Variants in RORA observed in about 807,000 individuals in gnomAD.
RORA encodes RAR related orphan receptor A, also known as nuclear receptor ROR-alpha.
In RORA, 7 loss-of-function variants were observed where a neutral mutation model predicts 69.5. The ratio of observed to expected loss-of-function variants is 0.10; its 90% CI spans 0.06 to 0.19. The LOEUF is 0.19. RORA is among the 10% of genes least tolerant of loss of function. The probability of loss-of-function intolerance (pLI) is 1.00; values close to 1 mark genes in which losing one functional copy is unlikely to be tolerated. For synonymous variants in RORA, 261 were observed against 240.8 expected, an observed-to-expected ratio of 1.08 and a Z score of -0.78; for missense variants, 457 against 663.0, an observed-to-expected ratio of 0.69 and a Z score of 3.41.
chr15:60,797,737 T>C (rs185052901), intron 1 of RORA, among the ~76,000 whole-genome samples: 90 of 151,994 alleles, frequency 5.9e-4, no homozygotes, highest in Non-Finnish European at 1.0e-3. Flanking sequence ...AGCACGCGGT[T>C]GACAAGAAGC....
rs569170091 is a variant in RORA at position 60,976,347 on chromosome 15, G to C, written c.166+252706C>G. On this transcript the variant is annotated intron_variant, in intron 1 of 10. Transcript: ENST00000335670. Reference sequence around the variant, plus strand: ...CATCCCCCATCTGCATAATATGGAAGCTAAGTAGATCGCCCACAAAGAAAA... The same window carrying C: ...CATCCCCCATCTGCATAATATGGAACCTAAGTAGATCGCCCACAAAGAAAA... Among the ~76,000 whole-genome samples, 6 of 152,294 alleles carry C rather than the reference G, an allele frequency of 3.9e-5. No individual in the cohort carries two copies. The South Asian group carries it at 1.0e-3, about 26-fold the overall frequency.
chr15:60,775,293 T>G (rs1249792387), intron 1 of RORA, among the ~76,000 whole-genome samples: 1 of 152,158 alleles, frequency 6.6e-6, no homozygotes, highest in Non-Finnish European at 1.5e-5. Flanking sequence ...TGGGACTGAC[T>G]TCGTTAATAG....
In RORA at chr15:60,887,773, CT is replaced by C. The variant is rs372833995; in HGVS notation, c.167-209088del. On this transcript the variant is annotated intron_variant, in intron 1 of 10. Transcript: ENST00000335670. ...AGGCTGTGGGGCTGTCCTGCAAACACTGAATCATGACCTTGCCGGCACCTTG... is the reference window on the plus strand; with the variant it reads ...AGGCTGTGGGGCTGTCCTGCAAACACGAATCATGACCTTGCCGGCACCTTG... Among the ~76,000 whole-genome samples the C allele has an allele frequency of 2.1e-3, 321 of 152,276 alleles. 2 individuals are homozygous for C. Among genetic ancestry groups the C allele is most frequent in the Admixed American group, 0.014 (212 of 15,298 alleles).
chr15:60,579,147 CCTG>C (rs528035016), intron 2 of RORA, among the ~76,000 whole-genome samples: 2 of 151,038 alleles, frequency 1.3e-5, no homozygotes, highest in African/African-American at 4.9e-5. Context: ...GCATTACCGT[CCTG>C]CTTCCTGCTA....
At chr15:61,055,242 T>C (rs2078078938) in intron 1 of RORA, among the ~76,000 whole-genome samples, 2 of 152,184 alleles carry the variant, frequency 1.3e-5, no homozygotes, top group Non-Finnish European at 2.9e-5. Flanking sequence ...TTTTAAAAAT[T>C]CGAATTTATT....
At chr15:60,924,682 C>T (rs979164003) in intron 1 of RORA, among the ~76,000 whole-genome samples, 10 of 152,098 alleles carry the variant, frequency 6.6e-5, no homozygotes, top group African/African-American at 2.2e-4. Flanking sequence ...CAGGGCGGTG[C>T]GTGGAGGCAG....
chr15:61,092,558 G>A (rs1037199890), intron 1 of RORA, among the ~76,000 whole-genome samples: 3 of 152,148 alleles, frequency 2.0e-5, no homozygotes, highest in African/African-American at 7.2e-5. Flanking sequence ...AAATGAAAAG[G>A]AGAAACACTG....
chr15:61,194,020 C>T (rs1214080920), intron 1 of RORA: 1 of 152,234 alleles, frequency 6.6e-6, no homozygotes, highest in East Asian at 1.9e-4. Flanking sequence ...AGATGCCCTT[C>T]ACTCTCTCTT....
At chr15:61,049,737 G>A (rs1374174148) in intron 1 of RORA, among the ~76,000 whole-genome samples, 2 of 152,112 alleles carry the variant, frequency 1.3e-5, no homozygotes, top group Non-Finnish European at 1.5e-5. Context: ...TCAGCTCACT[G>A]CAACCTCCGC....
At chr15:60,878,582 C>T (rs933027525) in intron 1 of RORA, among the ~76,000 whole-genome samples, 1 of 152,170 alleles carries the variant, frequency 6.6e-6, no homozygotes, top group African/African-American at 2.4e-5. Flanking sequence ...TGAGTCCTGA[C>T]CATCCTCGGA....
intron 1 of RORA, among the ~76,000 whole-genome samples, chr15:60,723,708 ACACATC>A (rs1205619238): frequency 3.3e-5 from 5 of 152,170 alleles, no homozygotes; most frequent in Admixed American, 1.3e-4. Context: ...CCTGCCATCC[ACACATC>A]CATTTATTCA....
intron 1 of RORA, among the ~76,000 whole-genome samples, chr15:60,898,931 T>C (rs1891309478): frequency 6.6e-6 from 1 of 152,218 alleles, no homozygotes; most frequent in African/African-American, 2.4e-5. Context: ...GTTCTCAGGC[T>C]TACTAATAGA....
intron 1 of RORA, among the ~76,000 whole-genome samples, chr15:60,924,633 C>T (rs1021099751): frequency 1.3e-5 from 2 of 152,024 alleles, no homozygotes; most frequent in Admixed American, 6.6e-5. Flanking sequence ...CAGTAAAGCA[C>T]GAATACACAG....
intron 3 of RORA, among the ~76,000 whole-genome samples, chr15:60,516,123 TATATTAAATA>T (rs2065913429): frequency 1.5e-5 from 1 of 67,042 alleles, no homozygotes; most frequent in African/African-American, 5.6e-5. Flanking sequence ...TTATATATAT[TATATTAAATA>T]TATTTATATA....
chr15:61,186,057 C>T (rs2079738373), intron 1 of RORA, among the ~76,000 whole-genome samples: 1 of 152,194 alleles, frequency 6.6e-6, no homozygotes, highest in Non-Finnish European at 1.5e-5. Flanking sequence ...GTGGCTGGCT[C>T]CTCCTAAAAC....
intron 1 of RORA, among the ~76,000 whole-genome samples, chr15:61,200,185 T>C (rs913002347): frequency 6.6e-6 from 1 of 151,732 alleles, no homozygotes; most frequent in African/African-American, 2.4e-5. Flanking sequence ...GACAGGAGAG[T>C]CGGGAAAAGA....
intron 1 of RORA, among the ~76,000 whole-genome samples, chr15:61,067,342 G>C (rs926576904): frequency 3.3e-5 from 5 of 151,884 alleles, no homozygotes; most frequent in Non-Finnish European, 7.4e-5. Context: ...CTGACCTTGT[G>C]ATCCGCCCGC....
At chr15:60,710,340 C>A (rs759060412) in intron 1 of RORA, among the ~76,000 whole-genome samples, 1 of 151,866 alleles carries the variant, frequency 6.6e-6, no homozygotes, top group Non-Finnish European at 1.5e-5. Flanking sequence ...AATACAAAAT[C>A]AGTTGGGCCT....
intron 1 of RORA, among the ~76,000 whole-genome samples, chr15:61,004,767 G>A (rs887454787): frequency 2.0e-5 from 3 of 152,028 alleles, no homozygotes; most frequent in African/African-American, 7.2e-5. Flanking sequence ...ACGTTGCCAC[G>A]GTTAGATTTT....
Sources: gnomAD v4.1 joint callset for allele counts (sites outside exome capture counted in the v4.1 genomes callset) on GRCh38, gnomAD v4.1.1 for gene constraint, MANE v1.5 for transcripts, NCBI Gene and HGNC (gene_info 2026-07-23, HGNC 2026-07-21) for gene names.